Variants in WDR45B observed in about 807,000 individuals in gnomAD.
WDR45B encodes the protein WD repeat domain phosphoinositide-interacting protein 3.
A neutral mutation model predicts 44.6 loss-of-function variants in WDR45B; 20 were observed. The ratio of observed to expected loss-of-function variants is 0.45; its 90% CI spans 0.32 to 0.65. The LOEUF (loss-of-function observed/expected upper bound fraction) is 0.65. Ranked by LOEUF, WDR45B falls within the 30% of genes least tolerant of loss-of-function variation. WDR45B has a pLI of 0.05. For missense variants in WDR45B, 323 were observed against 430.2 expected (o/e 0.75, Z 2.20); for synonymous variants, 169 against 164.9 (o/e 1.02, Z -0.19).
chr17:82,640,469 G>A (rs1454775871), intron 2 of WDR45B, among the ~76,000 whole-genome samples: 1 of 151,380 alleles, frequency 6.6e-6, no homozygotes, highest in Non-Finnish European at 1.5e-5. Context: ...TCCTGCCTCA[G>A]CCTCCCGAGT....
intron 4 of WDR45B, among the ~76,000 whole-genome samples, chr17:82,626,615 C>T (rs1327285194): frequency 6.6e-6 from 1 of 151,032 alleles, no homozygotes; most frequent in Non-Finnish European, 1.5e-5. Context: ...TGCTGTCCTC[C>T]CACAGCCGAC....
chr17:82,624,203 A>G (rs912796713), intron 5 of WDR45B, among the ~76,000 whole-genome samples: 3 of 152,034 alleles, frequency 2.0e-5, no homozygotes, highest in Non-Finnish European at 4.4e-5. Context: ...AAATACATGT[A>G]AAAAAACAAA....
intron 3 of WDR45B, chr17:82,629,913 C>G: frequency 1.0e-6 from 1 of 985,310 alleles, no homozygotes; most frequent in Non-Finnish European, 1.2e-6. Flanking sequence ...GAGCCCCATC[C>G]TGGTCTTGAT....
At chr17:82,640,969 G>GGTTTT (rs74409451) in intron 2 of WDR45B, among the ~76,000 whole-genome samples, 4 of 131,856 alleles carry the variant, frequency 3.0e-5, no homozygotes, top group African/African-American at 5.7e-5. Context: ...TCTTGTCTGG[G>GGTTTT]TTTTTTTTTT....
chr17:82,622,324 C>T (rs2045630277), intron 5 of WDR45B, among the ~76,000 whole-genome samples: 1 of 152,194 alleles, frequency 6.6e-6, no homozygotes, highest in Non-Finnish European at 1.5e-5. Flanking sequence ...TACTATCTAA[C>T]TCATCTACAG....
chr17:82,614,842 T>C lies in WDR45B; in HGVS notation c.*1077A>G, dbSNP rs887729310. ...CGGGAATTTAAGAAAATTAAATATA[T>C]ATCCCAAGTAGCTGACAATGTAGAG... On this transcript the variant is annotated 3_prime_UTR_variant, in exon 10 of 10. Coordinates refer to ENST00000392325, the MANE Select transcript of WDR45B (RefSeq NM_019613.4). The C allele has an allele frequency of 1.3e-5, 2 of 152,174 alleles. No homozygotes were observed. The highest frequency in any genetic ancestry group is 4.8e-5 in the African/African-American group (2 of 41,450). The allele number at this position is 152,174 out of a possible 1,614,324, so 9.4% of individuals were successfully genotyped here.
chr17:82,625,010 G>C (rs983717673), intron 5 of WDR45B, among the ~76,000 whole-genome samples: 2 of 152,134 alleles, frequency 1.3e-5, no homozygotes, highest in African/African-American at 4.8e-5. Flanking sequence ...ATATGAAGAT[G>C]GTACAATAAA....
intron 1 of WDR45B, among the ~76,000 whole-genome samples, chr17:82,647,562 A>T (rs1178943189): frequency 6.6e-6 from 1 of 152,152 alleles, no homozygotes; most frequent in Non-Finnish European, 1.5e-5. Flanking sequence ...TTACACCTGG[A>T]TTCCGACATG....
At chr17:82,644,153 G>A in intron 1 of WDR45B, 130 bp from the exon 2 acceptor site, 2 of 804,434 alleles carry the variant, frequency 2.5e-6, no homozygotes, top group Non-Finnish European at 4.3e-6. Flanking sequence ...TAGGTGCTAA[G>A]TCACAACTCC....
At chr17:82,627,018 A>T (rs970860062) in intron 4 of WDR45B, 186 bp downstream of exon 4, 7 of 650,094 alleles carry the variant, frequency 1.1e-5, no homozygotes, top group Non-Finnish European at 1.9e-5. Context: ...CCTGGAAACA[A>T]ACACAATTCG....
chr17:82,619,804 G>GT (rs199568207), intron 6 of WDR45B, among the ~76,000 whole-genome samples: 3,790 of 152,324 alleles, frequency 0.025, 69 homozygotes, highest in Non-Finnish European at 0.035. Context: ...TGGGGGTGCA[G>GT]TAAGGAGCCA....
intron 2 of WDR45B, among the ~76,000 whole-genome samples, chr17:82,641,483 C>T (rs2143373016): frequency 6.6e-6 from 1 of 152,270 alleles, no homozygotes; most frequent in African/African-American, 2.4e-5. Flanking sequence ...TGCCCTTTCA[C>T]CTGCTAAGGC....
intron 6 of WDR45B, among the ~76,000 whole-genome samples, chr17:82,620,486 T>C (rs2045599750): frequency 6.6e-6 from 1 of 152,172 alleles, no homozygotes; most frequent in Admixed American, 6.5e-5. Flanking sequence ...AAACCTGTTC[T>C]CAGCTGAGTC....
intron 2 of WDR45B, 91 bp from the exon 3 acceptor site, chr17:82,631,113 C>T (rs764642233): frequency 2.3e-5 from 30 of 1,279,420 alleles, no homozygotes; most frequent in Non-Finnish European, 3.4e-5. Flanking sequence ...ACAGGTAACG[C>T]AGCAATTTTC....
Position 82,615,978 on chromosome 17 carries a change from C to A in WDR45B, c.976G>T (p.Gly326Trp), listed in dbSNP as rs771220062. 4 of 1,613,790 alleles carry A rather than the reference C, an allele frequency of 2.5e-6. No individual in the cohort carries two copies. In the African/African-American group the frequency reaches 4.0e-5, roughly 16 times the overall value. ...SYYKFLFNPK[G>W]ECIRDVYAQF... Reference sequence around the variant, plus strand: ...GCGTAGACATCTCGGATGCACTCCCCCTTGGGGTTGAACAGGAATTTGTAG... The same window carrying A: ...GCGTAGACATCTCGGATGCACTCCCACTTGGGGTTGAACAGGAATTTGTAG... The change falls in exon 10 of 10, where the codon GGG becomes TGG. Residue 326 changes from glycine to tryptophan, a missense_variant. Transcript: ENST00000392325.
intron 5 of WDR45B, 115 bp downstream of exon 5, chr17:82,625,273 AG>A: frequency 1.0e-6 from 1 of 980,110 alleles, no homozygotes; most frequent in Admixed American, 1.9e-5. Context: ...CTCTGTGCTC[AG>A]GATTGCTCTC....
intron 2 of WDR45B, among the ~76,000 whole-genome samples, chr17:82,636,779 C>A (rs984592421): frequency 2.6e-5 from 4 of 152,082 alleles, no homozygotes; most frequent in East Asian, 1.9e-4. Context: ...ACCCGCTTCC[C>A]GTCAACTCTA....
At chr17:82,616,152 C>T in intron 9 of WDR45B, 127 bp from the exon 10 acceptor site, 1 of 899,684 alleles carries the variant, frequency 1.1e-6, no homozygotes, top group East Asian at 2.6e-5. Flanking sequence ...CCCTGAAAGG[C>T]CCCAGGGTCC....
rs1438007332 is a variant in WDR45B at position 82,630,971 on chromosome 17, T to C, written c.194A>G (p.Tyr65Cys). 21 of 1,613,402 alleles carry C rather than the reference T, an allele frequency of 1.3e-5. No individual in the cohort carries two copies. Among genetic ancestry groups the C allele is most frequent in the Non-Finnish European group, 1.8e-5 (21 of 1,180,036 alleles). The change falls in exon 3 of 10, where the codon TAT (tyrosine) becomes TGT (cysteine). Residue 65 changes from tyrosine (Y) to cysteine (C), a missense_variant. By Grantham distance (194) the Tyr-to-Cys change is radical (BLOSUM62 -2). Coordinates refer to ENST00000392325, the MANE Select transcript of WDR45B (RefSeq NM_019613.4). ...GHVEMLFRCN[Y>C]LALVGGGKKP... The stretch of plus-strand genomic sequence containing the variant: ...TTTTCCACCACCAACTAAAGCTAAA[T>C]AGTTGCAGCGAAATAACATTTCAAC...
Sources: gnomAD v4.1 joint callset for allele counts (sites outside exome capture counted in the v4.1 genomes callset) on GRCh38, gnomAD v4.1.1 for gene constraint, MANE v1.5 for transcripts, NCBI Gene and HGNC (gene_info 2026-07-23, HGNC 2026-07-21) for gene names.